GAS6: variants seen among roughly 807,000 people sequenced by gnomAD.
GAS6 encodes the protein growth arrest specific 6.
GAS6 carries 41 observed loss-of-function variants against 75.8 expected under a neutral mutation model. The ratio of observed to expected loss-of-function variants is 0.54; its 90% CI spans 0.42 to 0.70. The LOEUF (loss-of-function observed/expected upper bound fraction) is 0.70, where lower values mean the gene tolerates loss of function less well. GAS6 is among the 30% of genes least tolerant of loss of function. The probability of loss-of-function intolerance (pLI) is 0.00; values close to 1 mark genes in which losing one functional copy is unlikely to be tolerated. For synonymous variants in GAS6, 432 were observed against 412.6 expected, an observed-to-expected ratio of 1.05 and a Z score of -0.57; for missense variants, 854 against 940.2, an observed-to-expected ratio of 0.91 and a Z score of 1.20.
At position 113,839,833 on chromosome 13, in the gene GAS6, T is replaced by C. The variant is rs1048220463; in HGVS notation, c.361A>G (p.Thr121Ala). Residue 121 changes from threonine to alanine, a missense_variant, in exon 5 of 15, where the codon ACG becomes GCG. Thr to Ala is a moderately conservative substitution (Grantham distance 58). Transcript: ENST00000327773. ...CCCTTCCTATCGCAGGGGTTGGGCG[T>C]GCACTGGTCAGGCAGGTCTGATTGG... ...TCVQNLPDQC[T>A]PNPCDRKGTQ... The C allele has an allele frequency of 6.2e-7, 1 of 1,613,792 alleles. No homozygotes were observed. Among genetic ancestry groups the C allele is most frequent in the Non-Finnish European group, 8.5e-7 (1 of 1,179,980 alleles).
chr13:113,849,892 A>G (rs575656264), intron 2 of GAS6, among the ~76,000 whole-genome samples: 1 of 152,354 alleles, frequency 6.6e-6, no homozygotes, highest in Admixed American at 6.5e-5. Flanking sequence ...AAACTAGGGG[A>G]AAGATGGTTA....
chr13:113,827,611 C>G (rs1028057452), intron 11 of GAS6, among the ~76,000 whole-genome samples: 1 of 148,744 alleles, frequency 6.7e-6, no homozygotes, highest in Non-Finnish European at 1.5e-5. Flanking sequence ...CTCACAACAC[C>G]GAAGGTCCCG....
chr13:113,836,986 G>C (rs2051724317), intron 6 of GAS6, among the ~76,000 whole-genome samples: 1 of 151,610 alleles, frequency 6.6e-6, no homozygotes, highest in South Asian at 2.1e-4. Context: ...CAGTAACTGT[G>C]AGCCTAGACT....
chr13:113,833,448 TG>T (rs2051654912), intron 8 of GAS6: 1 of 990,010 alleles, frequency 1.0e-6, no homozygotes, highest in African/African-American at 1.8e-5. Context: ...TTTCCACCTG[TG>T]GTTTTGCTTT....
chr13:113,846,953 C>T (rs1018206872), intron 3 of GAS6: 7 of 479,104 alleles, frequency 1.5e-5, no homozygotes, highest in South Asian at 6.3e-5. Flanking sequence ...CATTGGGAAA[C>T]GCTGTGCTTA....
At position 113,824,844 on chromosome 13, in the gene GAS6, AT is replaced by A. The variant is rs372642382; in HGVS notation, c.1478-1295del. On this transcript the variant is annotated intron_variant, in intron 12 of 14. Transcript: ENST00000327773. ...AAAGTAACAAAAATATTGCAACAGA[AT>A]CAAAAAGTAACAACAAAAAGTCTCC... Among the ~76,000 whole-genome samples, 107 of 152,304 alleles carry A rather than the reference AT, an allele frequency of 7.0e-4. No individual in the cohort carries two copies. In the East Asian group the frequency reaches 0.015, roughly 22 times the overall value.
Position 113,835,507 on chromosome 13 carries a change from G to C in GAS6, c.712+6C>G. 3 of 1,612,148 alleles carry C rather than the reference G, an allele frequency of 1.9e-6. No individual in the cohort carries two copies. Among genetic ancestry groups the C allele is most frequent in the Admixed American group, 1.7e-5 (1 of 59,986 alleles). ...GAAAGCGAGGGTGACCGCGTGGCGT[G>C]GGTACCTCGGCAAGCCTTCTCCTGG... is the stretch of plus-strand genomic sequence containing the variant. On this transcript the variant is annotated splice_donor_region_variant and intron_variant, in intron 7 of 14. Transcript: ENST00000327773.
chr13:113,821,416 C>T (rs1046093353), intron 14 of GAS6: 2 of 242,118 alleles, frequency 8.3e-6, no homozygotes, highest in African/African-American at 4.4e-5. Context: ...CCGTTTGCCG[C>T]AAGTGAAAAC....
intron 8 of GAS6, among the ~76,000 whole-genome samples, chr13:113,833,938 A>G (rs1335967775): frequency 1.4e-5 from 2 of 147,496 alleles, no homozygotes; most frequent in African/African-American, 2.5e-5. Context: ...CCAGTGTGAC[A>G]GGCCCCGGTG....
At chr13:113,852,608 T>C (rs1372248761) in intron 2 of GAS6, among the ~76,000 whole-genome samples, 1 of 152,170 alleles carries the variant, frequency 6.6e-6, no homozygotes, top group Non-Finnish European at 1.5e-5. Flanking sequence ...AGGAGGGCAG[T>C]GGGTGCCGGC....
intron 8 of GAS6, chr13:113,833,628 T>G (rs1594196056): frequency 2.0e-6 from 2 of 1,012,720 alleles, no homozygotes; most frequent in Non-Finnish European, 2.4e-6. Flanking sequence ...CAGGTCGGTG[T>G]GACAGGCACC....
At chr13:113,858,686 T>C (rs1374757107) in intron 2 of GAS6, among the ~76,000 whole-genome samples, 2 of 141,070 alleles carry the variant, frequency 1.4e-5, no homozygotes, top group Non-Finnish European at 3.1e-5. Flanking sequence ...TGTATGCATG[T>C]CTGTGTGTGT....
rs879556033 is a variant in GAS6 at position 113,844,245 on chromosome 13, T to TCTTGAC, written c.343+2276_343+2281dup. On this transcript the variant is annotated intron_variant, in intron 4 of 14. Coordinates refer to ENST00000327773, the MANE Select transcript of GAS6 (RefSeq NM_000820.4). This position sits in a 1 kb window ranked among gnomAD's most constrained non-coding sequence, Gnocchi z 5.7. ...ATCACACAGGGAACAAACTCAAGGA[T>TCTTGAC]CTTGACCTTGCCCTCCTCTCCCCAG... is the stretch of plus-strand genomic sequence containing the variant. 6.6e-6 allele frequency: 1 copy of TCTTGAC among 150,728 alleles called. No individual in the cohort carries two copies. Among genetic ancestry groups the TCTTGAC allele is most frequent in the Non-Finnish European group, 1.5e-5 (1 of 68,038 alleles). 9.3% of individuals were successfully genotyped at this position (150,728 alleles called of 1,614,324 possible). A position where few individuals can be genotyped will look rare whatever the true frequency, so the allele number is the denominator to read the frequency against.
At chr13:113,861,623 A>G (rs2051971805) in intron 2 of GAS6, among the ~76,000 whole-genome samples, 1 of 152,088 alleles carries the variant, frequency 6.6e-6, no homozygotes, top group South Asian at 2.1e-4. Context: ...CAGAGGATGC[A>G]GTGGAGACTA....
chr13:113,824,883 T>G (rs991622815), intron 12 of GAS6, among the ~76,000 whole-genome samples: 1 of 152,194 alleles, frequency 6.6e-6, no homozygotes, highest in South Asian at 2.1e-4. Flanking sequence ...TTTGCCGGTC[T>G]TCCCATAACC....
intron 4 of GAS6, chr13:113,843,354 C>T (rs79491301): frequency 0.084 from 12,824 of 152,224 alleles, 1,256 homozygotes; most frequent in African/African-American, 0.16. Flanking sequence ...AATCTGAAGC[C>T]GGTGCGGGCG....
intron 10 of GAS6, among the ~76,000 whole-genome samples, chr13:113,829,827 C>G (rs1594193241): frequency 6.7e-6 from 1 of 148,530 alleles, no homozygotes; most frequent in Non-Finnish European, 1.5e-5. Flanking sequence ...AGGGACCTGA[C>G]CTCGGGGAGA....
At chr13:113,827,969 T>G (rs1340527140) in intron 11 of GAS6, among the ~76,000 whole-genome samples, 1 of 152,160 alleles carries the variant, frequency 6.6e-6, no homozygotes, top group African/African-American at 2.4e-5. Flanking sequence ...CAAAAAAGTT[T>G]ACTGTTCTGT....
chr13:113,840,040 G>A (rs2051759777), intron 4 of GAS6, 190 bp from the exon 5 acceptor site: 2 of 729,374 alleles, frequency 2.7e-6, no homozygotes, highest in Middle Eastern at 4.1e-4. Flanking sequence ...AGGCTGGCGG[G>A]CCCTGGGGCC....
Sources: gnomAD v4.1 joint callset for allele counts (sites outside exome capture counted in the v4.1 genomes callset) on GRCh38, gnomAD v4.1.1 for gene constraint, Gnocchi (gnomAD v3.1) non-coding constraint, MANE v1.5 for transcripts, NCBI Gene and HGNC (gene_info 2026-07-23, HGNC 2026-07-21) for gene names.